RGPD2: variants seen among roughly 807,000 people sequenced by gnomAD.
RGPD2 encodes the protein RANBP2-like and GRIP domain-containing protein 2.
Under a neutral mutation model 36.0 loss-of-function variants are expected in RGPD2, and 2 were observed. The ratio of observed to expected loss-of-function variants is 0.06; its 90% CI spans 0.02 to 0.17. The LOEUF (loss-of-function observed/expected upper bound fraction) is 0.17. RGPD2 is among the 10% of genes least tolerant of loss of function. The pLI is 1.00. For missense variants in RGPD2, 40 were observed against 464.3 expected, an observed-to-expected ratio of 0.09 and a Z score of 8.40; for synonymous variants, 19 against 163.8, an observed-to-expected ratio of 0.12 and a Z score of 6.75.
the RGPD2 span, among the ~76,000 whole-genome samples, chr2:87,961,197 T>C: frequency 6.6e-6 from 1 of 152,250 alleles, no homozygotes. Flanking sequence ...CAATTATTAC[T>C]GAGCCCTATA....
chr2:87,939,873 A>G, the RGPD2 span, among the ~76,000 whole-genome samples: 1 of 152,014 alleles, frequency 6.6e-6, no homozygotes, highest in African/African-American at 2.4e-5. Context: ...AAATCAGCAC[A>G]TTCATAACAC....
the RGPD2 span, among the ~76,000 whole-genome samples, chr2:87,948,382 CTT>C: frequency 5.7e-5 from 8 of 139,172 alleles, no homozygotes; most frequent in Admixed American, 1.4e-4. Flanking sequence ...TTATTGTGTG[CTT>C]TTTTTTTTTT....
chr2:87,915,189 T>C, the RGPD2 span, among the ~76,000 whole-genome samples: 3 of 151,082 alleles, frequency 2.0e-5, no homozygotes, highest in Non-Finnish European at 4.4e-5. Flanking sequence ...AACTTGTTTA[T>C]ATAATGAAGT....
the RGPD2 span, among the ~76,000 whole-genome samples, chr2:87,836,324 CGGAAGGAA>C: frequency 0.049 from 6,950 of 143,296 alleles, 216 homozygotes; most frequent in Admixed American, 0.094. Context: ...AGAGGGAGGA[CGGAAGGAA>C]GGAAGGAAGG....
chr2:87,940,267 G>C, the RGPD2 span, among the ~76,000 whole-genome samples: 1 of 151,950 alleles, frequency 6.6e-6, no homozygotes, highest in Non-Finnish European at 1.5e-5. Context: ...GCGGACAAAT[G>C]GAACAAGGAC....
At chr2:87,858,312 T>C in the RGPD2 span, among the ~76,000 whole-genome samples, 1 of 151,718 alleles carries the variant, frequency 6.6e-6, no homozygotes, top group Non-Finnish European at 1.5e-5. Context: ...AGTCACTGTT[T>C]AACCTTTCTT....
intron 22 of RGPD2, among the ~76,000 whole-genome samples, chr2:87,763,358 C>T (rs1263658042): frequency 3.3e-5 from 5 of 149,352 alleles, no homozygotes; most frequent in South Asian, 2.2e-4. Context: ...GGGGTTTCAC[C>T]GTGTTAGCCA....
chr2:87,922,735 T>C, the RGPD2 span, among the ~76,000 whole-genome samples: 1 of 150,752 alleles, frequency 6.6e-6, no homozygotes, highest in Middle Eastern at 3.4e-3. Flanking sequence ...CCTAGACTGG[T>C]CCCCATTGTA....
the RGPD2 span, among the ~76,000 whole-genome samples, chr2:87,876,277 T>C: frequency 6.6e-6 from 1 of 150,740 alleles, no homozygotes; most frequent in Non-Finnish European, 1.5e-5. Context: ...GGGGTTTGTT[T>C]GCTCTTGATT....
At chr2:87,762,250 A>T (rs539759546) in intron 22 of RGPD2, among the ~76,000 whole-genome samples, 2 of 92,038 alleles carry the variant, frequency 2.2e-5, no homozygotes. Context: ...TCTTGGCAAA[A>T]GGCCTTAGCA....
chr2:87,897,374 TA>T, the RGPD2 span, among the ~76,000 whole-genome samples: 2 of 146,790 alleles, frequency 1.4e-5, no homozygotes, highest in Non-Finnish European at 3.0e-5. Flanking sequence ...TTCAGACAAC[TA>T]AGCAATCATT....
intron 1 of RGPD2, chr2:87,825,132 T>C (rs941430934): frequency 1.3e-5 from 5 of 390,682 alleles, no homozygotes; most frequent in African/African-American, 1.0e-4. Context: ...CTTCATTCAT[T>C]GCCCCCACAA....
intron 1 of RGPD2, chr2:87,825,095 G>T: frequency 2.6e-6 from 1 of 388,212 alleles, no homozygotes; most frequent in Non-Finnish European, 4.5e-6. Flanking sequence ...TAAACCCTGA[G>T]AACCAAAGTG....
chr2:87,940,740 A>G, the RGPD2 span, among the ~76,000 whole-genome samples: 2 of 150,282 alleles, frequency 1.3e-5, no homozygotes, highest in East Asian at 3.9e-4. Context: ...CTAAAACATA[A>G]TGAGAAATTT....
the RGPD2 span, among the ~76,000 whole-genome samples, chr2:87,889,102 CTTAA>C: frequency 6.6e-6 from 1 of 151,188 alleles, no homozygotes; most frequent in South Asian, 2.1e-4. Flanking sequence ...GAGGCCCTTA[CTTAA>C]TTTTCAGTTG....
chr2:87,961,883 C>A, the RGPD2 span, among the ~76,000 whole-genome samples: 5 of 147,976 alleles, frequency 3.4e-5, no homozygotes, highest in African/African-American at 1.2e-4. Context: ...ATAGGAACAG[C>A]CATTCGCCTG....
the RGPD2 span, among the ~76,000 whole-genome samples, chr2:87,843,083 C>G: frequency 3.4e-5 from 5 of 147,934 alleles, no homozygotes; most frequent in South Asian, 1.1e-3. Context: ...AAGACTTAAA[C>G]GTTAGACCTA....
At chr2:87,940,850 C>CT in the RGPD2 span, among the ~76,000 whole-genome samples, 1 of 151,220 alleles carries the variant, frequency 6.6e-6, no homozygotes, top group Non-Finnish European at 1.5e-5. Flanking sequence ...GACTATGAAA[C>CT]TGATACGTTT....
chr2:87,881,051 A>G, the RGPD2 span, among the ~76,000 whole-genome samples: 1 of 151,964 alleles, frequency 6.6e-6, no homozygotes, highest in Non-Finnish European at 1.5e-5. Flanking sequence ...TCTCCGTTGA[A>G]TACATGTCAT....
Sources: gnomAD v4.1 joint callset for allele counts (sites outside exome capture counted in the v4.1 genomes callset) on GRCh38, gnomAD v4.1.1 for gene constraint, MANE v1.5 for transcripts, NCBI Gene and HGNC (gene_info 2026-07-23, HGNC 2026-07-21) for gene names.